The following MACROD2 variants were observed in gnomAD, a reference collection of about 807,000 sequenced individuals.
The protein encoded by MACROD2 is ADP-ribose glycohydrolase MACROD2.
In MACROD2, 36 loss-of-function variants were observed where a neutral mutation model predicts 70.4. The ratio of observed to expected loss-of-function variants is 0.51; its 90% CI spans 0.39 to 0.68. The LOEUF (loss-of-function observed/expected upper bound fraction) is 0.68. MACROD2 is among the 30% of genes least tolerant of loss of function. The pLI, the probability that MACROD2 is intolerant of heterozygous loss-of-function variation, is 0.00. For missense variants in MACROD2, 496 were observed against 538.4 expected (o/e 0.92, Z 0.78); for synonymous variants, 172 against 178.8 (o/e 0.96, Z 0.30).
intron 5 of MACROD2, among the ~76,000 whole-genome samples, chr20:14,824,709 T>C (rs139743896): frequency 4.3e-4 from 65 of 152,198 alleles, no homozygotes; most frequent in African/African-American, 1.2e-3. Flanking sequence ...ATCCAGTTTT[T>C]TGTTAATGTC....
At chr20:15,846,280 A>G (rs2064229936) in intron 8 of MACROD2, among the ~76,000 whole-genome samples, 1 of 152,236 alleles carries the variant, frequency 6.6e-6, no homozygotes, top group South Asian at 2.1e-4. Flanking sequence ...AGGATACTTC[A>G]TGGTAAACAT....
intron 5 of MACROD2, among the ~76,000 whole-genome samples, chr20:14,777,191 T>A (rs544421505): frequency 6.6e-6 from 1 of 152,192 alleles, no homozygotes; most frequent in South Asian, 2.1e-4. Context: ...GACTGCTAGG[T>A]CATAGTATGC....
intron 2 of MACROD2, among the ~76,000 whole-genome samples, chr20:14,054,485 A>G (rs1452008552): frequency 1.3e-5 from 2 of 152,062 alleles, no homozygotes; most frequent in African/African-American, 2.4e-5. Context: ...AGATTTGGCA[A>G]GTGCTCCATG....
At chr20:15,863,353 A>G (rs903766697) in intron 9 of MACROD2, among the ~76,000 whole-genome samples, 44 of 152,266 alleles carry the variant, frequency 2.9e-4, no homozygotes, top group African/African-American at 1.0e-3. Flanking sequence ...AGTCATTCAC[A>G]CTTCTTTTTA....
At chr20:14,082,647 T>C (rs2054014907) in intron 2 of MACROD2, among the ~76,000 whole-genome samples, 1 of 152,128 alleles carries the variant, frequency 6.6e-6, no homozygotes, top group Non-Finnish European at 1.5e-5. Flanking sequence ...TAAAAGCAGT[T>C]AAAGAATGAT....
At chr20:14,908,117 G>A (rs975095957) in intron 5 of MACROD2, among the ~76,000 whole-genome samples, 1 of 152,108 alleles carries the variant, frequency 6.6e-6, no homozygotes, top group Non-Finnish European at 1.5e-5. Flanking sequence ...GCCGAGACAG[G>A]CGGATCACCC....
At chr20:14,920,294 A>G (rs1387409384) in intron 5 of MACROD2, among the ~76,000 whole-genome samples, 1 of 152,196 alleles carries the variant, frequency 6.6e-6, no homozygotes. Context: ...TGTGTGAATA[A>G]CCAGGGCTCA....
chr20:14,460,200 CT>C (rs1257378671), intron 3 of MACROD2, among the ~76,000 whole-genome samples: 1 of 152,052 alleles, frequency 6.6e-6, no homozygotes, highest in East Asian at 1.9e-4. Context: ...GTGCATGTGT[CT>C]TTATAGTAGA....
At chr20:14,051,188 G>A (rs1211167099) in intron 2 of MACROD2, among the ~76,000 whole-genome samples, 1 of 152,134 alleles carries the variant, frequency 6.6e-6, no homozygotes, top group East Asian at 1.9e-4. Context: ...ACCTTTTGAG[G>A]AAAGGATGGA....
At chr20:15,911,563 G>A (rs6110826) in intron 10 of MACROD2, among the ~76,000 whole-genome samples, 1 of 151,936 alleles carries the variant, frequency 6.6e-6, no homozygotes, top group Admixed American at 6.6e-5. Flanking sequence ...CTATATATAA[G>A]GTGGACCCAG....
chr20:15,921,237 C>T (rs1487601538), intron 10 of MACROD2, among the ~76,000 whole-genome samples: 3 of 152,154 alleles, frequency 2.0e-5, no homozygotes, highest in Non-Finnish European at 2.9e-5. Flanking sequence ...CTGCTCCAGC[C>T]GTACTAAATT....
intron 3 of MACROD2, among the ~76,000 whole-genome samples, chr20:14,425,276 A>T (rs1159258960): frequency 6.6e-6 from 1 of 152,152 alleles, no homozygotes; most frequent in Non-Finnish European, 1.5e-5. Context: ...CCATTATGAA[A>T]AGATAATTTG....
chr20:14,020,311 A>G (rs1198316651), intron 2 of MACROD2, among the ~76,000 whole-genome samples: 2 of 152,094 alleles, frequency 1.3e-5, no homozygotes, highest in African/African-American at 4.8e-5. Flanking sequence ...CGTCCCTACT[A>G]AAAATACAGA....
At chr20:14,966,888 G>A (rs1011377911) in intron 5 of MACROD2, among the ~76,000 whole-genome samples, 1 of 152,080 alleles carries the variant, frequency 6.6e-6, no homozygotes, top group African/African-American at 2.4e-5. Context: ...TAACAATTAT[G>A]TATAAAGCTG....
chr20:14,040,266 C>T (rs1014434153), intron 2 of MACROD2, among the ~76,000 whole-genome samples: 1 of 151,912 alleles, frequency 6.6e-6, no homozygotes, highest in Non-Finnish European at 1.5e-5. Flanking sequence ...TCCCAGGCTA[C>T]GAAAGTATAC....
chr20:14,190,135 A>T lies in MACROD2; in HGVS notation c.271+104407A>T, dbSNP rs539485140. On this transcript the variant is annotated intron_variant, in intron 3 of 17. Coordinates refer to ENST00000684519, the MANE Select transcript of MACROD2 (RefSeq NM_001351661.2). ...CTGGTTCAGACTCTGGCACTCATGAACTCTGTGGACCTGGATATGCCACTT... is the reference window on the plus strand; with the variant it reads ...CTGGTTCAGACTCTGGCACTCATGATCTCTGTGGACCTGGATATGCCACTT... 3.9e-5 allele frequency among the ~76,000 whole-genome samples: 6 copies of T among 152,226 alleles called. 1 individual carries two copies. The South Asian group carries it at 1.2e-3, about 32-fold the overall frequency.
At chr20:15,751,232 G>T (rs1047497012) in intron 8 of MACROD2, among the ~76,000 whole-genome samples, 6 of 151,988 alleles carry the variant, frequency 3.9e-5, no homozygotes, top group Non-Finnish European at 8.8e-5. Context: ...ATGTATCAAA[G>T]TGTTAAAATT....
intron 6 of MACROD2, among the ~76,000 whole-genome samples, chr20:15,381,089 T>A (rs901206516): frequency 6.6e-6 from 1 of 152,166 alleles, no homozygotes; most frequent in Non-Finnish European, 1.5e-5. Context: ...TAAGAATTAA[T>A]TAACTATGTG....
chr20:14,745,714 A>T (rs1759755776), intron 5 of MACROD2, among the ~76,000 whole-genome samples: 1 of 152,130 alleles, frequency 6.6e-6, no homozygotes, highest in African/African-American at 2.4e-5. Context: ...CATTGTATGT[A>T]CCAGGCGATT....
Sources: allele counts gnomAD v4.1 joint callset (sites outside exome capture counted in the v4.1 genomes callset), GRCh38; gene constraint gnomAD v4.1.1; transcripts MANE v1.5; gene names NCBI Gene and HGNC (gene_info 2026-07-23, HGNC 2026-07-21).